AGAP1: variants seen among roughly 807,000 people sequenced by gnomAD.
AGAP1 encodes arf-GAP with GTPase, ANK repeat and PH domain-containing protein 1.
Under a neutral mutation model 105.3 loss-of-function variants are expected in AGAP1, and 29 were observed. That is an observed-to-expected ratio of 0.28 (90% CI 0.21 to 0.38). AGAP1 has a LOEUF of 0.38. Ranked by LOEUF, AGAP1 falls within the 10% of genes least tolerant of loss-of-function variation. The probability of loss-of-function intolerance (pLI) is 1.00; values close to 1 mark genes in which losing one functional copy is unlikely to be tolerated. For synonymous variants in AGAP1, 509 were observed against 485.9 expected (o/e 1.05, Z -0.63); for missense variants, 998 against 1,165.1 (o/e 0.86, Z 2.09).
At chr2:236,072,933 C>G (rs1190144573) in intron 16 of AGAP1, among the ~76,000 whole-genome samples, 1 of 151,812 alleles carries the variant, frequency 6.6e-6, no homozygotes, top group African/African-American at 2.4e-5. Flanking sequence ...GTAGTTAACC[C>G]AGTGTATGTA....
chr2:235,856,800 C>G (rs1404007395), intron 9 of AGAP1, among the ~76,000 whole-genome samples: 1 of 152,260 alleles, frequency 6.6e-6, no homozygotes, highest in Admixed American at 6.5e-5. Flanking sequence ...AATTTCAAAA[C>G]TTCAGCCAGT....
Position 236,078,624 on chromosome 2 carries a change from A to G in AGAP1, c.2114+29343A>G, listed in dbSNP as rs2058704909. On this transcript the variant is annotated intron_variant, in intron 16 of 17. Coordinates refer to ENST00000304032, the MANE Select transcript of AGAP1 (RefSeq NM_001037131.3). The surrounding 1 kb of genome is among the most constrained non-coding windows in gnomAD (Gnocchi z 5.3). Reference sequence around the variant, plus strand: ...CTCCCTAGATAAGTATTACCACTGAACCACCTGCTGAGCAGCGTGCTAGCA... The same window carrying G: ...CTCCCTAGATAAGTATTACCACTGAGCCACCTGCTGAGCAGCGTGCTAGCA... Among the ~76,000 whole-genome samples the G allele has an allele frequency of 6.6e-6, 1 of 152,082 alleles. No individual in the cohort carries two copies. Among genetic ancestry groups the G allele is most frequent in the Non-Finnish European group, 1.5e-5 (1 of 68,018 alleles).
chr2:235,584,902 C>CT (rs10629736), intron 1 of AGAP1, among the ~76,000 whole-genome samples: 11,436 of 98,470 alleles, frequency 0.12, 711 homozygotes, highest in East Asian at 0.18. Context: ...AAGTCATTAC[C>CT]TTTTTTTTTT....
intron 1 of AGAP1, among the ~76,000 whole-genome samples, chr2:235,538,680 C>T (rs1943332241): frequency 6.6e-6 from 1 of 152,096 alleles, no homozygotes; most frequent in Non-Finnish European, 1.5e-5. Context: ...CATCCTCACT[C>T]ATCTTGTAGA....
In AGAP1 at chr2:236,055,394, A is replaced by G. The variant is rs1473606181; in HGVS notation, c.2114+6113A>G. Among the ~76,000 whole-genome samples, 6 of 152,130 alleles carry G rather than the reference A, an allele frequency of 3.9e-5. No individual in the cohort carries two copies. The highest frequency in any genetic ancestry group is 7.3e-5 in the Non-Finnish European group (5 of 68,028). ...TCAGGGAGAATTCTGTTTGTGGAGG[A>G]AGCTGCTGTGCTCTGTGAGCCTCGT... On this transcript the variant is annotated intron_variant, in intron 16 of 17. Transcript: ENST00000304032. This position sits in a 1 kb window ranked among gnomAD's most constrained non-coding sequence, Gnocchi z 6.2.
In AGAP1 at chr2:235,709,192, C is replaced by A. The variant is rs745884661; in HGVS notation, c.177C>A (p.Asn59Lys). 1 of 1,614,084 alleles carries A rather than the reference C, an allele frequency of 6.2e-7. No individual in the cohort carries two copies. ...HVIAIEDAFV[N>K]SQEWTLSRSV... is the part of the protein sequence containing the mutation. ...CCTCTTTTTCAGATGCCTTCGTGAA[C>A]AGCCAGGAATGGACGCTGAGTCGAT... The change falls in exon 2 of 18, where the codon AAC becomes AAA. Residue 59 changes from asparagine (N) to lysine (K), a missense_variant. Coordinates refer to ENST00000304032, the MANE Select transcript of AGAP1 (RefSeq NM_001037131.3).
At chr2:236,065,009 A>G (rs2058307705) in intron 16 of AGAP1, among the ~76,000 whole-genome samples, 1 of 152,220 alleles carries the variant, frequency 6.6e-6, no homozygotes, top group South Asian at 2.1e-4. Flanking sequence ...TGACTGATAA[A>G]AAAAGGAAGT....
chr2:235,884,223 G>A (rs2050161546), intron 10 of AGAP1, among the ~76,000 whole-genome samples: 1 of 152,106 alleles, frequency 6.6e-6, no homozygotes, highest in South Asian at 2.1e-4. Flanking sequence ...TATCTATGGG[G>A]GATGGATTCT....
intron 6 of AGAP1, chr2:235,774,295 TCA>T: frequency 2.1e-6 from 1 of 467,932 alleles, no homozygotes; most frequent in Non-Finnish European, 4.4e-6. Context: ...GAGGAGTCCC[TCA>T]CACACCTGTC....
chr2:235,774,050 T>C, intron 6 of AGAP1: 1 of 441,572 alleles, frequency 2.3e-6, no homozygotes, highest in East Asian at 7.1e-5. Flanking sequence ...ATGACTACGA[T>C]GAACAAAAGT....
At chr2:235,710,066 G>C (rs73996332) in intron 2 of AGAP1, among the ~76,000 whole-genome samples, 2,671 of 152,280 alleles carry the variant, frequency 0.018, 70 homozygotes, top group African/African-American at 0.06. Context: ...TAATTTGACC[G>C]TGAAAGCAAA....
At chr2:235,940,181 C>T (rs1475829448) in intron 12 of AGAP1, among the ~76,000 whole-genome samples, 2 of 152,210 alleles carry the variant, frequency 1.3e-5, no homozygotes, top group Non-Finnish European at 2.9e-5. Flanking sequence ...GTTCCCTCCA[C>T]TTGACCTCCA....
Position 235,874,393 on chromosome 2 carries a change from G to A in AGAP1, c.1051-8952G>A, listed in dbSNP as rs1318038865. ...TGAGCTCCCGAGGGTACCTGGTGAT[G>A]TAGAAGGAAGTTGGCTTAACTGGGG... On this transcript the variant is annotated intron_variant, in intron 9 of 17. Coordinates refer to ENST00000304032, the MANE Select transcript of AGAP1 (RefSeq NM_001037131.3). The surrounding 1 kb of genome is among the most constrained non-coding windows in gnomAD (Gnocchi z 4.5). 6.6e-6 allele frequency among the ~76,000 whole-genome samples: 1 copy of A among 152,224 alleles called. No homozygotes were observed. The highest frequency in any genetic ancestry group is 1.5e-5 in the Non-Finnish European group (1 of 68,040).
intron 13 of AGAP1, among the ~76,000 whole-genome samples, chr2:236,025,428 G>A (rs1218098960): frequency 3.3e-5 from 5 of 152,088 alleles, no homozygotes; most frequent in Non-Finnish European, 5.9e-5. Context: ...CGGGGCCATC[G>A]GTGATTTGAA....
intron 1 of AGAP1, among the ~76,000 whole-genome samples, chr2:235,562,799 G>A (rs1178250363): frequency 6.6e-6 from 1 of 152,172 alleles, no homozygotes; most frequent in Non-Finnish European, 1.5e-5. Context: ...GCTCATGCCT[G>A]TAATCTCAGA....
intron 11 of AGAP1, among the ~76,000 whole-genome samples, chr2:235,916,183 AT>A (rs1025478323): frequency 1.6e-4 from 25 of 152,114 alleles, no homozygotes; most frequent in Admixed American, 1.1e-3. Flanking sequence ...AAAAAGAAGA[AT>A]CCAAAAGATA....
intron 11 of AGAP1, among the ~76,000 whole-genome samples, chr2:235,922,758 C>T (rs1315801017): frequency 6.6e-6 from 1 of 152,128 alleles, no homozygotes; most frequent in Non-Finnish European, 1.5e-5. Flanking sequence ...CTTTTTCATG[C>T]TCATTTGAGA....
At chr2:235,638,482 A>G (rs530556104) in intron 1 of AGAP1, among the ~76,000 whole-genome samples, 2 of 152,346 alleles carry the variant, frequency 1.3e-5, no homozygotes, top group East Asian at 3.9e-4. Context: ...AAACATCACA[A>G]TGGCGATGGA....
At chr2:235,603,565 A>G (rs1488458387) in intron 1 of AGAP1, among the ~76,000 whole-genome samples, 1 of 152,240 alleles carries the variant, frequency 6.6e-6, no homozygotes, top group Non-Finnish European at 1.5e-5. Context: ...GGCAGTATAA[A>G]AGTCAGAGAG....
Sources: gnomAD v4.1 joint callset for allele counts (sites outside exome capture counted in the v4.1 genomes callset) on GRCh38, gnomAD v4.1.1 for gene constraint, Gnocchi (gnomAD v3.1) non-coding constraint, MANE v1.5 for transcripts, NCBI Gene and HGNC (gene_info 2026-07-23, HGNC 2026-07-21) for gene names.